Variants in CLCN6 observed in about 807,000 individuals in gnomAD.
The protein encoded by CLCN6 is Cl-/H+ antiporter 6.
In CLCN6, 70 loss-of-function variants were observed where a neutral mutation model predicts 109.8. The observed-to-expected ratio is 0.64, with a 90% CI of 0.53 to 0.78. The LOEUF is 0.78. CLCN6 is among the 30% of genes least tolerant of loss of function. The pLI is 0.00. For missense variants in CLCN6, 984 were observed against 1,142.3 expected (o/e 0.86, Z 2.00); for synonymous variants, 444 against 447.8 (o/e 0.99, Z 0.11).
At chr1:11,833,438 G>A in intron 13 of CLCN6, 77 bp from the exon 14 acceptor site, 1 of 1,485,836 alleles carries the variant, frequency 6.7e-7, no homozygotes, top group Non-Finnish European at 9.3e-7. Context: ...ACCTGTTTTG[G>A]ACCCGGCTGG....
chr1:11,839,112 ATT>A (rs1015275615), intron 22 of CLCN6: 25 of 587,118 alleles, frequency 4.3e-5, no homozygotes, highest in African/African-American at 3.3e-4. Flanking sequence ...TTACACAAAT[ATT>A]TTCTTATTAC....
At chr1:11,809,369 G>C (rs184252918) in intron 2 of CLCN6, among the ~76,000 whole-genome samples, 1 of 152,048 alleles carries the variant, frequency 6.6e-6, no homozygotes, top group Non-Finnish European at 1.5e-5. Flanking sequence ...TGACACCCAG[G>C]CTCCCTCACC....
chr1:11,833,300 A>G (rs774065212), intron 13 of CLCN6, among the ~76,000 whole-genome samples: 18 of 152,152 alleles, frequency 1.2e-4, no homozygotes, highest in Non-Finnish European at 1.8e-4. Flanking sequence ...GTGTGGATGA[A>G]CAAAAGGCCC....
Position 11,834,586 on chromosome 1 carries a change from G to A in CLCN6, c.1789G>A (p.Asp597Asn). The A allele has an allele frequency of 1.2e-6, 2 of 1,613,608 alleles. No individual in the cohort carries two copies. Among genetic ancestry groups the A allele is most frequent in the Non-Finnish European group, 1.7e-6 (2 of 1,179,644 alleles). The change falls in exon 17 of 23, where the codon GAC becomes AAC. Residue 597 changes from aspartate to asparagine, a missense_variant. Asp to Asn is a conservative substitution (Grantham distance 23). Transcript: ENST00000346436. This position sits in a 1 kb window ranked among gnomAD's most constrained non-coding sequence, Gnocchi z 4.5. Reference protein sequence around the residue: ...LLEWETEVEMDKLRASDIMEP... With the variant: ...LLEWETEVEMNKLRASDIMEP... ...GGAATGGGAGACAGAGGTGGAAATGGACAAGTAAGGCCATGATTTTGCTCA... is the reference window on the plus strand; with the variant it reads ...GGAATGGGAGACAGAGGTGGAAATGAACAAGTAAGGCCATGATTTTGCTCA...
chr1:11,833,671 G>A (rs760499070), intron 14 of CLCN6, 33 bp downstream of exon 14: 1 of 1,611,558 alleles, frequency 6.2e-7, no homozygotes, highest in South Asian at 1.1e-5. Context: ...AATCGTGGGT[G>A]ATTGGTGTCA....
At chr1:11,816,740 A>G (rs922381694) in intron 4 of CLCN6, 60 bp downstream of exon 4, 6 of 1,277,280 alleles carry the variant, frequency 4.7e-6, no homozygotes, top group African/African-American at 1.5e-5. Flanking sequence ...TTACAGGGAA[A>G]GCCCTGGCCT....
At chr1:11,822,439 C>T (rs1644758081) in intron 5 of CLCN6, among the ~76,000 whole-genome samples, 1 of 152,158 alleles carries the variant, frequency 6.6e-6, no homozygotes, top group Non-Finnish European at 1.5e-5. Context: ...GACATGGTCT[C>T]ACTACATTGC....
Position 11,841,629 on chromosome 1 carries a change from G to A in CLCN6, c.*1406G>A, listed in dbSNP as rs929950717. The A allele has an allele frequency of 2.0e-5, 3 of 152,258 alleles. No individual in the cohort carries two copies. The highest frequency in any genetic ancestry group is 1.9e-4 in the East Asian group (1 of 5,184). The allele number at this position is 152,258 out of a possible 1,614,324, so 9.4% of individuals were successfully genotyped here. On this transcript the variant is annotated 3_prime_UTR_variant, in exon 23 of 23. Transcript: ENST00000346436. Reference sequence around the variant, plus strand: ...TTTTAAAACCGTGGAGGTTGCCCACGGGCCTCGGCACCTGGCCCTGGCAGC... The same window carrying A: ...TTTTAAAACCGTGGAGGTTGCCCACAGGCCTCGGCACCTGGCCCTGGCAGC...
chr1:11,833,703 C>T, intron 14 of CLCN6, 65 bp downstream of exon 14: 3 of 1,602,238 alleles, frequency 1.9e-6, no homozygotes, highest in South Asian at 1.1e-5. Flanking sequence ...GCCAGGCTTG[C>T]CCTTCATTCC....
At chr1:11,817,349 A>G (rs1033317135) in intron 4 of CLCN6, among the ~76,000 whole-genome samples, 2 of 152,324 alleles carry the variant, frequency 1.3e-5, no homozygotes, top group African/African-American at 4.8e-5. Flanking sequence ...CACCATAGCT[A>G]TTGATCTCAT....
At position 11,833,559 on chromosome 1, in the gene CLCN6, C is replaced by A; in HGVS notation, c.1293C>A (p.Pro431=). ...CAAGTATCAAGACATTTTTTTGTCC[C>A]AATGATACCTACAATGACATGGCCA... The part of the protein sequence containing the change: ...VNSSIKTFFC[P]NDTYNDMATL... The change falls in exon 14 of 23, where the codon CCC becomes CCA. Residue 431 remains proline, a synonymous_variant. Coordinates refer to ENST00000346436, the MANE Select transcript of CLCN6 (RefSeq NM_001286.5). 6.2e-7 allele frequency: 1 copy of A among 1,613,552 alleles called. No individual in the cohort carries two copies. Among genetic ancestry groups the A allele is most frequent in the Non-Finnish European group, 8.5e-7 (1 of 1,179,724 alleles).
rs200899004 is a variant in CLCN6, at chr1:11,833,912, G to A, written c.1408G>A (p.Val470Ile). 1.8e-5 allele frequency: 29 copies of A among 1,613,368 alleles called. No homozygotes were observed. Among genetic ancestry groups the A allele is most frequent in the South Asian group, 4.4e-5 (4 of 90,988 alleles). Residue 470 changes from valine (V) to isoleucine (I), a missense_variant, in exon 15 of 23, where the codon GTT becomes ATT. Coordinates refer to ENST00000346436, the MANE Select transcript of CLCN6 (RefSeq NM_001286.5). Reference protein sequence around the residue: ...FSPVTLALFFVLYFLLACWTY... With the variant: ...FSPVTLALFFILYFLLACWTY... ...CCCCGTCACTCTGGCCTTGTTCTTC[G>A]TTCTCTATTTCTTGCTTGCATGTTG...
rs1183163733 is a variant in CLCN6 at position 11,829,284 on chromosome 1, T to A, written c.1210T>A (p.Ser404Thr). ...GTTAGGAGAATGCCGACAGATGTCC[T>A]CTTCGAGTCAAATCGGTAATGACTC... ...MVLGECRQMS[S>T]SSQIGNDSFQ... is the part of the protein sequence containing the mutation. The change falls in exon 13 of 23, where the codon TCT becomes ACT. Residue 404 changes from serine to threonine, a missense_variant. By Grantham distance (58) the Ser-to-Thr change is moderately conservative. Coordinates refer to ENST00000346436, the MANE Select transcript of CLCN6 (RefSeq NM_001286.5). 1 of 1,614,054 alleles carries A rather than the reference T, an allele frequency of 6.2e-7. No individual in the cohort carries two copies. The highest frequency in any genetic ancestry group is 1.7e-5 in the Admixed American group (1 of 59,998).
At chr1:11,827,317 G>GT (rs372917466) in intron 10 of CLCN6, 96 bp downstream of exon 10, 19 of 1,183,740 alleles carry the variant, frequency 1.6e-5, no homozygotes, top group African/African-American at 7.3e-5. Flanking sequence ...TGATGAGACT[G>GT]GGGGGTCAAC....
chr1:11,806,313 C>G lies in CLCN6; in HGVS notation c.51C>G (p.Cys17Trp), dbSNP rs1225435362. Reference sequence around the variant, plus strand: ...GCTGCTGCTGCAGGTGGTGCTGCTGCTGCGGTGAGCGTGAGACCCGCACCC... The same window carrying G: ...GCTGCTGCTGCAGGTGGTGCTGCTGGTGCGGTGAGCGTGAGACCCGCACCC... ...SLCCCCRWCC[C>W]CGERETRTPE... Residue 17 changes from cysteine (C) to tryptophan (W), a missense_variant, in exon 1 of 23, where the codon TGC becomes TGG. Physicochemically the swap from Cys to Trp is radical, Grantham distance 215 (BLOSUM62 -2). Coordinates refer to ENST00000346436, the MANE Select transcript of CLCN6 (RefSeq NM_001286.5). The G allele has an allele frequency of 6.6e-7, 1 of 1,513,180 alleles. No homozygotes were observed. Among genetic ancestry groups the G allele is most frequent in the Non-Finnish European group, 8.7e-7 (1 of 1,143,086 alleles). The allele number at this position is 1,513,180 out of a possible 1,614,324, so 93.7% of individuals were successfully genotyped here. A position where few individuals can be genotyped will look rare whatever the true frequency, so the allele number is the denominator to read the frequency against.
rs890497348 is a variant in CLCN6, at chr1:11,838,575, C to A, written c.2444C>A (p.Ser815Ter). 6.2e-7 allele frequency: 1 copy of A among 1,612,828 alleles called. No individual in the cohort carries two copies. The highest frequency in any genetic ancestry group is 2.2e-5 in the East Asian group (1 of 44,848). ...PYMNPSPFTV[S>*]PNTHVSQVFN... Reference sequence around the variant, plus strand: ...ATGAACCCTTCGCCTTTCACCGTCTCGCCCAACACCCACGTCTCCCAAGTC... The same window carrying A: ...ATGAACCCTTCGCCTTTCACCGTCTAGCCCAACACCCACGTCTCCCAAGTC... Residue 815 changes from serine (S) to a stop codon, truncating the protein, a stop_gained, in exon 22 of 23, where the codon TCG becomes TAG. Coordinates refer to ENST00000346436, the MANE Select transcript of CLCN6 (RefSeq NM_001286.5). LOFTEE classifies it high-confidence loss of function.
chr1:11,818,150 A>G (rs1039865417), intron 4 of CLCN6, among the ~76,000 whole-genome samples: 2 of 152,110 alleles, frequency 1.3e-5, no homozygotes, highest in Non-Finnish European at 1.5e-5. Flanking sequence ...TTATTTTGCT[A>G]TATATGTTTC....
chr1:11,819,356 C>T (rs543952633), intron 4 of CLCN6, 132 bp from the exon 5 acceptor site: 14 of 793,356 alleles, frequency 1.8e-5, no homozygotes, highest in South Asian at 5.7e-5. Flanking sequence ...TGTGCATTCA[C>T]GTACTGCTGG....
At chr1:11,809,679 A>C (rs974046418) in intron 2 of CLCN6, among the ~76,000 whole-genome samples, 2 of 152,078 alleles carry the variant, frequency 1.3e-5, no homozygotes, top group Admixed American at 1.3e-4. Flanking sequence ...GCTGGTCTTG[A>C]ACTCCTGACC....
Sources: allele counts gnomAD v4.1 joint callset (sites outside exome capture counted in the v4.1 genomes callset), GRCh38; gene constraint gnomAD v4.1.1; non-coding constraint Gnocchi (gnomAD v3.1); transcripts MANE v1.5; gene names NCBI Gene and HGNC (gene_info 2026-07-23, HGNC 2026-07-21).